WDFY4: variants seen among roughly 807,000 people sequenced by gnomAD.
WDFY4 encodes WD repeat- and FYVE domain-containing protein 4.
WDFY4 carries 169 observed loss-of-function variants against 351.9 expected under a neutral mutation model. The observed-to-expected ratio is 0.48, with a 90% CI of 0.42 to 0.55. WDFY4 has a LOEUF of 0.55. WDFY4 is among the 20% of genes least tolerant of loss of function. WDFY4 has a pLI of 0.00. For synonymous variants in WDFY4, 1,622 were observed against 1,574.6 expected (o/e 1.03, Z -0.71); for missense variants, 3,803 against 3,935.6 (o/e 0.97, Z 0.90).
chr10:48,945,493 A>C (rs1234042474), intron 49 of WDFY4, among the ~76,000 whole-genome samples: 1 of 152,222 alleles, frequency 6.6e-6, no homozygotes, highest in Non-Finnish European at 1.5e-5. Context: ...AGTTTCCCAG[A>C]GCACCTGGCC....
rs56031039 is a variant in WDFY4, at chr10:48,867,171, AAAAATAAAAT to A, written c.6664-53_6664-44del. 1.8e-3 allele frequency: 624 copies of A among 348,748 alleles called. 10 individuals carry two copies. The highest frequency in any genetic ancestry group is 8.6e-3 in the Middle Eastern group (7 of 816). 21.6% of individuals were successfully genotyped at this position (348,748 alleles called of 1,614,324 possible). On this transcript the variant is annotated intron_variant, in intron 39 of 61. Transcript: ENST00000325239. ...GGTGACAGAATGAGACTGTGTCTCA[AAAAATAAAAT>A]AAAATAAAATAAAATAAAATAAAAT...
At chr10:48,953,333 T>TCTCTCTCTCACA (rs771339557) in intron 51 of WDFY4, among the ~76,000 whole-genome samples, 169 of 128,226 alleles carry the variant, frequency 1.3e-3, no homozygotes, top group African/African-American at 2.4e-3. Flanking sequence ...TCTCTCTCTC[T>TCTCTCTCTCACA]CACACACACA....
chr10:48,951,887 GAC>G (rs1379944449), intron 51 of WDFY4, among the ~76,000 whole-genome samples: 1 of 152,222 alleles, frequency 6.6e-6, no homozygotes, highest in African/African-American at 2.4e-5. Flanking sequence ...GCCCACCAAA[GAC>G]ACAGCAGCGG....
chr10:48,953,175 A>G (rs1841413042), intron 51 of WDFY4, among the ~76,000 whole-genome samples: 1 of 152,000 alleles, frequency 6.6e-6, no homozygotes, highest in Non-Finnish European at 1.5e-5. Context: ...CCCCATGCAC[A>G]CTGAGATCAG....
At chr10:48,721,223 A>G (rs2064077632) in intron 3 of WDFY4, 38 bp from the exon 4 acceptor site, 1 of 1,537,274 alleles carries the variant, frequency 6.5e-7, no homozygotes, top group Non-Finnish European at 8.8e-7. Context: ...CTGAGTGGGC[A>G]GGTCGCTGTA....
chr10:48,832,675 G>A lies in WDFY4; in HGVS notation c.6629G>A (p.Gly2210Glu), dbSNP rs1214176551. 1 of 1,550,318 alleles carries A rather than the reference G, an allele frequency of 6.5e-7. No homozygotes were observed. Residue 2210 changes from glycine to glutamate, a missense_variant, in exon 39 of 62, where the codon GGG (glycine) becomes GAG (glutamate). Coordinates refer to ENST00000325239, the MANE Select transcript of WDFY4 (RefSeq NM_001394531.1). ...SLSSAMKLMP[G>E]RQAKDPECKT... ...TCCTCAGCCATGAAGCTGATGCCCGGGCGGCAGGCCAAGGACCCTGAGTGC... is the reference window on the plus strand; with the variant it reads ...TCCTCAGCCATGAAGCTGATGCCCGAGCGGCAGGCCAAGGACCCTGAGTGC...
intron 60 of WDFY4, 30 bp downstream of exon 60, chr10:48,978,423 C>T: frequency 6.5e-7 from 1 of 1,534,454 alleles, no homozygotes. Flanking sequence ...TGTGGCCGTC[C>T]TGGCCTTGCC....
intron 12 of WDFY4, chr10:48,745,486 G>T: frequency 3.9e-6 from 1 of 257,648 alleles, no homozygotes; most frequent in Non-Finnish European, 7.6e-6. Flanking sequence ...TTTTAAAGTC[G>T]GCTTGAAATA....
chr10:48,768,254 C>T (rs2065735791), intron 13 of WDFY4, among the ~76,000 whole-genome samples: 1 of 152,180 alleles, frequency 6.6e-6, no homozygotes, highest in South Asian at 2.1e-4. Flanking sequence ...GGCTTCCCAG[C>T]CCTCCAGGAC....
At chr10:48,837,607 C>A (rs985037192) in intron 39 of WDFY4, among the ~76,000 whole-genome samples, 8 of 152,034 alleles carry the variant, frequency 5.3e-5, no homozygotes, top group African/African-American at 1.9e-4. Flanking sequence ...GAAAAGAGGG[C>A]CACCCAGGGC....
Position 48,776,867 on chromosome 10 carries a change from C to T in WDFY4, c.2981C>T (p.Thr994Ile), listed in dbSNP as rs757850791. 2 of 1,551,774 alleles carry T rather than the reference C, an allele frequency of 1.3e-6. No individual in the cohort carries two copies. Among genetic ancestry groups the T allele is most frequent in the Non-Finnish European group, 1.7e-6 (2 of 1,147,046 alleles). ...TTGGGGGAATCCCAGGATTCAACTA[C>T]TGCTCTTCAGACGGCGCTGAGCCTC... ...QPLGESQDSTTALQTALSLIS... is the reference protein window; with the variant it reads ...QPLGESQDSTIALQTALSLIS... The change falls in exon 16 of 62, where the codon ACT becomes ATT. Residue 994 changes from threonine (T) to isoleucine (I), a missense_variant. Thr to Ile is a moderately conservative substitution (Grantham distance 89, BLOSUM62 -1). Transcript: ENST00000325239.
chr10:48,783,310 T>G (rs908096949), intron 19 of WDFY4, among the ~76,000 whole-genome samples: 1 of 152,176 alleles, frequency 6.6e-6, no homozygotes, highest in African/African-American at 2.4e-5. Flanking sequence ...GAATGCTACA[T>G]AAATAGTTGT....
At chr10:48,939,926 A>G (rs1221292085) in intron 47 of WDFY4, among the ~76,000 whole-genome samples, 1 of 152,272 alleles carries the variant, frequency 6.6e-6, no homozygotes, top group African/African-American at 2.4e-5. Context: ...GCAAAATTCT[A>G]GAACCTTGTC....
At chr10:48,772,517 CTTTTTTT>C (rs10672319) in intron 13 of WDFY4, among the ~76,000 whole-genome samples, 5 of 70,652 alleles carry the variant, frequency 7.1e-5, no homozygotes, top group Non-Finnish European at 1.3e-4. Context: ...GAGGGCAGTT[CTTTTTTT>C]TTTTTTTTTT....
intron 14 of WDFY4, 43 bp downstream of exon 14, chr10:48,774,715 A>G (rs1042239054): frequency 2.6e-6 from 4 of 1,548,570 alleles, no homozygotes; most frequent in Admixed American, 3.9e-5. Context: ...CTGGGCAGCC[A>G]TGTCCTTTGC....
intron 47 of WDFY4, among the ~76,000 whole-genome samples, chr10:48,924,367 T>A (rs1213995656): frequency 2.6e-5 from 4 of 152,226 alleles, no homozygotes; most frequent in Non-Finnish European, 4.4e-5. Context: ...ATCATCTGTT[T>A]GAAACTGGCT....
intron 39 of WDFY4, among the ~76,000 whole-genome samples, chr10:48,836,908 A>T (rs1467678403): frequency 6.6e-6 from 1 of 152,162 alleles, no homozygotes; most frequent in Non-Finnish European, 1.5e-5. Context: ...ACAGCCGTGG[A>T]TTCAGCTCTG....
intron 59 of WDFY4, among the ~76,000 whole-genome samples, chr10:48,977,357 C>A (rs925121773): frequency 1.8e-4 from 28 of 152,098 alleles, no homozygotes. Flanking sequence ...ACCCACCTAC[C>A]CATTTATCTC....
At chr10:48,867,472 C>T (rs535793370) in intron 40 of WDFY4, 130 bp downstream of exon 40, 32 of 459,792 alleles carry the variant, frequency 7.0e-5, no homozygotes, top group African/African-American at 6.0e-4. Flanking sequence ...TGGGGTTTTG[C>T]ATTTTATCCT....
Sources: gnomAD v4.1 joint callset for allele counts (sites outside exome capture counted in the v4.1 genomes callset) on GRCh38, gnomAD v4.1.1 for gene constraint, MANE v1.5 for transcripts, NCBI Gene and HGNC (gene_info 2026-07-23, HGNC 2026-07-21) for gene names.